The following PSMG2 variants were observed in gnomAD, a reference collection of about 807,000 sequenced individuals.
PSMG2 encodes the protein CD40 ligand-activated specific transcript 3.
Under a neutral mutation model 31.5 loss-of-function variants are expected in PSMG2, and 21 were observed. That is an observed-to-expected ratio of 0.67 (90% CI 0.47 to 0.96). The LOEUF is 0.96. PSMG2 is among the 40% of genes least tolerant of loss of function. PSMG2 has a pLI of 0.00. For missense variants in PSMG2, 318 were observed against 321.2 expected (o/e 0.99, Z 0.08); for synonymous variants, 120 against 110.4 (o/e 1.09, Z -0.54).
At chr18:12,680,706 TCCA>T in intron 1 of PSMG2, 1 of 1,613,564 alleles carries the variant, frequency 6.2e-7, no homozygotes, top group South Asian at 1.1e-5. Flanking sequence ...CCCCATCAGT[TCCA>T]CAAGTCATAA....
At chr18:12,714,850 G>A (rs761100612) in intron 3 of PSMG2, among the ~76,000 whole-genome samples, 1 of 151,180 alleles carries the variant, frequency 6.6e-6, no homozygotes, top group Non-Finnish European at 1.5e-5. Flanking sequence ...GATTACGAAC[G>A]TGTGCCATTG....
rs2039537754 is a variant in PSMG2, at chr18:12,686,279, A to G, written c.-36-20271A>G. The G allele has an allele frequency of 2.5e-6, 4 of 1,613,334 alleles. No individual in the cohort carries two copies. The South Asian group carries it at 3.3e-5, about 13-fold the overall frequency. On this transcript the variant is annotated intron_variant, in intron 1 of 6. Transcript: ENST00000585331. ...TATAATACCTTGTTTCTACAGAGAA[A>G]GGCCAGCAGAGTGCACCACTGCTCC...
At chr18:12,716,012 C>T (rs2040372872) in intron 3 of PSMG2, among the ~76,000 whole-genome samples, 1 of 152,210 alleles carries the variant, frequency 6.6e-6, no homozygotes, top group South Asian at 2.1e-4. Context: ...ATACTTACAG[C>T]ATCTAGCTTC....
At position 12,677,402 on chromosome 18, in the gene PSMG2, T is replaced by TGCCAAGATCACGCCACTGC. The variant is rs1334452308; in HGVS notation, c.-37+18632_-37+18650dup. ...GCAGTGAACCAAGATCACGCCACTGTGCCAAGATCACGCCACTGCGCTCCA... is the reference window on the plus strand; with the variant it reads ...GCAGTGAACCAAGATCACGCCACTGTGCCAAGATCACGCCACTGCGCCAAGATCACGCCACTGCGCTCCA... On this transcript the variant is annotated intron_variant, in intron 1 of 6. Coordinates refer to the PSMG2 transcript ENST00000585331. Among the ~76,000 whole-genome samples the TGCCAAGATCACGCCACTGC allele has an allele frequency of 2.2e-5, 3 of 135,380 alleles. No individual in the cohort carries two copies. In the East Asian group the frequency reaches 6.5e-4, roughly 29 times the overall value. 88.8% of individuals were successfully genotyped at this position (135,380 alleles called of 152,430 possible).
intron 2 of PSMG2, among the ~76,000 whole-genome samples, chr18:12,709,109 G>A (rs1468321605): frequency 6.8e-6 from 1 of 146,016 alleles, no homozygotes; most frequent in African/African-American, 2.5e-5. Context: ...GCAGTGGCAC[G>A]ATCTCGGCCC....
At chr18:12,676,564 T>G (rs2039144259) in intron 1 of PSMG2, among the ~76,000 whole-genome samples, 1 of 152,084 alleles carries the variant, frequency 6.6e-6, no homozygotes, top group African/African-American at 2.4e-5. Flanking sequence ...CGTGAGACAC[T>G]GTGCCTGGCC....
chr18:12,691,386 G>A (rs759573758), intron 1 of PSMG2: 1 of 1,605,032 alleles, frequency 6.2e-7, no homozygotes, highest in South Asian at 1.1e-5. Flanking sequence ...CCAGTCGTGA[G>A]TTGTGTGAGG....
chr18:12,678,528 G>C (rs1037393252), intron 1 of PSMG2: 1 of 836,188 alleles, frequency 1.2e-6, no homozygotes. Flanking sequence ...AACACTTAAG[G>C]CCATAACTAC....
At chr18:12,703,300 C>A (rs751576531) in intron 1 of PSMG2, 136 bp downstream of exon 1, 1 of 1,087,452 alleles carries the variant, frequency 9.2e-7, no homozygotes, top group Non-Finnish European at 1.3e-6. Context: ...CCGGAAAAAA[C>A]AGGGAGGTTG....
Position 12,718,656 on chromosome 18 carries a change from A to G in PSMG2, c.407+21A>G, listed in dbSNP as rs779341382. The G allele has an allele frequency of 5.2e-6, 8 of 1,546,556 alleles. No homozygotes were observed. In the African/African-American group the frequency reaches 1.1e-4, roughly 21 times the overall value. ...CGTAGGTATGTTTCTGCCTCTGGAA[A>G]GTTATTTTTGGTATGGTTTATACTA... On this transcript the variant is annotated intron_variant, in intron 4 of 6. Transcript: ENST00000317615.
intron 1 of PSMG2, chr18:12,678,228 G>C: frequency 6.2e-7 from 1 of 1,614,128 alleles, no homozygotes; most frequent in Non-Finnish European, 8.5e-7. Flanking sequence ...GTAGCTCCAG[G>C]AGCACACACA....
In PSMG2 at chr18:12,718,622, C is replaced by T. The variant is rs1215962164; in HGVS notation, c.394C>T (p.Leu132=). The change falls in exon 4 of 7, where the codon CTG becomes TTG. Residue 132 remains leucine (L), a synonymous_variant. Coordinates refer to ENST00000317615, the MANE Select transcript of PSMG2 (RefSeq NM_020232.5). ...CAGTCATTCATATCAGCGTAATGAT[C>T]TGCAGCTTCGTAGGTATGTTTCTGC... ...SSSHSYQRND[L]QLRSTPFRYL... 1.2e-6 allele frequency: 2 copies of T among 1,600,080 alleles called. No individual in the cohort carries two copies. Among genetic ancestry groups the T allele is most frequent in the Non-Finnish European group, 1.7e-6 (2 of 1,170,454 alleles).
At chr18:12,665,838 C>T (rs1025002564) in intron 1 of PSMG2, among the ~76,000 whole-genome samples, 3 of 152,144 alleles carry the variant, frequency 2.0e-5, no homozygotes, top group Non-Finnish European at 2.9e-5. Flanking sequence ...GCTGCGATTA[C>T]AGATCACGCC....
At chr18:12,703,035 G>A (rs940006499), upstream of PSMG2, 2 of 1,545,068 alleles carry the variant, frequency 1.3e-6, no homozygotes, top group Non-Finnish European at 1.8e-6. Flanking sequence ...CGGGGTCTCG[G>A]GCTTCCGCCT....
chr18:12,702,569 C>G, upstream of PSMG2: 1 of 1,587,668 alleles, frequency 6.3e-7, no homozygotes, highest in South Asian at 1.1e-5. Flanking sequence ...GGCGTCTCCC[C>G]GCCGCTTCTC....
intron 3 of PSMG2, among the ~76,000 whole-genome samples, chr18:12,715,314 T>G (rs1305133634): frequency 6.6e-6 from 1 of 152,016 alleles, no homozygotes; most frequent in Non-Finnish European, 1.5e-5. Flanking sequence ...CAGCCGAAAG[T>G]AAGCTTCTGA....
upstream of PSMG2, chr18:12,701,056 C>G: frequency 6.2e-7 from 1 of 1,613,564 alleles, no homozygotes; most frequent in Non-Finnish European, 8.5e-7. Flanking sequence ...TGATCAGGTG[C>G]CAATTCTTCC....
chr18:12,696,241 C>T (rs2039953073), intron 1 of PSMG2, among the ~76,000 whole-genome samples: 1 of 152,104 alleles, frequency 6.6e-6, no homozygotes, highest in Admixed American at 6.6e-5. Flanking sequence ...CGCGGTGACT[C>T]ACGCCAATAT....
exon 1 of PSMG2, chr18:12,658,751 C>A: frequency 2.6e-6 from 1 of 383,030 alleles, no homozygotes; most frequent in Non-Finnish European, 5.5e-6. Context: ...TTGAATACCT[C>A]CCTCTCCACT....
Sources: gnomAD v4.1 joint callset for allele counts (sites outside exome capture counted in the v4.1 genomes callset) on GRCh38, gnomAD v4.1.1 for gene constraint, MANE v1.5 for transcripts, NCBI Gene and HGNC (gene_info 2026-07-23, HGNC 2026-07-21) for gene names.